GRID2: variants seen among roughly 807,000 people sequenced by gnomAD.
GRID2 encodes the protein glutamate receptor ionotropic, delta-2.
GRID2 carries 33 observed loss-of-function variants against 114.8 expected under a neutral mutation model. That is an observed-to-expected ratio of 0.29 (90% CI 0.22 to 0.38). GRID2 has a LOEUF of 0.38. Among genes scored for constraint, GRID2 ranks in the 10% least tolerant of loss-of-function variants. GRID2 has a pLI of 1.00. For synonymous variants in GRID2, 505 were observed against 449.9 expected (o/e 1.12, Z -1.55); for missense variants, 1,184 against 1,257.7 (o/e 0.94, Z 0.89).
At chr4:92,940,647 G>A (rs1313545740) in intron 2 of GRID2, among the ~76,000 whole-genome samples, 2 of 152,050 alleles carry the variant, frequency 1.3e-5, no homozygotes, top group Non-Finnish European at 2.9e-5. Flanking sequence ...TCTTGTGCCA[G>A]TTTTCAAAGG....
intron 8 of GRID2, among the ~76,000 whole-genome samples, chr4:93,320,394 T>A (rs1193977449): frequency 6.6e-6 from 1 of 152,132 alleles, no homozygotes; most frequent in Non-Finnish European, 1.5e-5. Flanking sequence ...TCTCAACACT[T>A]TGAGGAATTT....
intron 1 of GRID2, among the ~76,000 whole-genome samples, chr4:92,490,650 A>G (rs1165155901): frequency 6.6e-6 from 1 of 152,184 alleles, no homozygotes; most frequent in Non-Finnish European, 1.5e-5. Context: ...AACATGGGAA[A>G]AAATGAAATG....
intron 1 of GRID2, among the ~76,000 whole-genome samples, chr4:93,805,432 G>C (rs1395952413): frequency 6.6e-6 from 1 of 152,132 alleles, no homozygotes; most frequent in East Asian, 1.9e-4. Flanking sequence ...TGTCTTCCAA[G>C]GTCTTTAGAG....
intron 14 of GRID2, among the ~76,000 whole-genome samples, chr4:93,722,946 C>T (rs1729519734): frequency 6.6e-6 from 1 of 151,934 alleles, no homozygotes; most frequent in Non-Finnish European, 1.5e-5. Flanking sequence ...CATGTAACCA[C>T]CCCAGGTTAT....
At chr4:92,953,764 G>A (rs1752192606) in intron 2 of GRID2, among the ~76,000 whole-genome samples, 1 of 151,968 alleles carries the variant, frequency 6.6e-6, no homozygotes, top group African/African-American at 2.4e-5. Context: ...TGAACCAAAT[G>A]TCAATAGCGA....
At chr4:93,335,106 T>C (rs1163606083) in intron 8 of GRID2, among the ~76,000 whole-genome samples, 1 of 134,698 alleles carries the variant, frequency 7.4e-6, no homozygotes, top group East Asian at 1.9e-4. Flanking sequence ...AATATGTATA[T>C]AGTTGATGTC....
intron 2 of GRID2, among the ~76,000 whole-genome samples, chr4:93,014,061 T>A (rs1729560654): frequency 6.6e-6 from 1 of 152,064 alleles, no homozygotes; most frequent in East Asian, 1.9e-4. Flanking sequence ...TTGAGCACTT[T>A]GTGGAGAGAA....
intron 14 of GRID2, among the ~76,000 whole-genome samples, chr4:93,672,648 T>C (rs1457650099): frequency 3.3e-5 from 5 of 152,206 alleles, no homozygotes; most frequent in Non-Finnish European, 7.3e-5. Context: ...TGTTGTTGAA[T>C]ATTTTACCCT....
At chr4:92,803,201 C>G (rs1368908013) in intron 2 of GRID2, among the ~76,000 whole-genome samples, 1 of 151,776 alleles carries the variant, frequency 6.6e-6, no homozygotes, top group Non-Finnish European at 1.5e-5. Context: ...AATTGGTAGC[C>G]ATTAACCAAA....
At chr4:93,163,356 G>GTATATATATATA (rs57285537) in intron 4 of GRID2, among the ~76,000 whole-genome samples, 5 of 56,258 alleles carry the variant, frequency 8.9e-5, no homozygotes, top group Non-Finnish European at 9.7e-5. Flanking sequence ...TTTTTTTTGT[G>GTATATATATATA]TATATATATA....
intron 13 of GRID2, among the ~76,000 whole-genome samples, chr4:93,556,072 A>C (rs1734289284): frequency 1.3e-5 from 2 of 152,274 alleles, no homozygotes; most frequent in Admixed American, 6.5e-5. Flanking sequence ...ACATCAACAA[A>C]AAGGATGTCC....
At chr4:93,549,461 C>T (rs1290248690) in intron 13 of GRID2, among the ~76,000 whole-genome samples, 2 of 152,138 alleles carry the variant, frequency 1.3e-5, no homozygotes, top group African/African-American at 4.8e-5. Context: ...ATATTTCAAA[C>T]GCCTATCGAG....
intron 2 of GRID2, among the ~76,000 whole-genome samples, chr4:92,911,829 G>A (rs1255068518): frequency 6.6e-6 from 1 of 150,990 alleles, no homozygotes; most frequent in African/African-American, 2.4e-5. Context: ...GTGAATTTAG[G>A]ATAAAAACAT....
chr4:92,646,580 T>C (rs545312644), intron 2 of GRID2, among the ~76,000 whole-genome samples: 80 of 152,360 alleles, frequency 5.3e-4, no homozygotes, highest in African/African-American at 1.8e-3. Flanking sequence ...TTTAGATTTA[T>C]AACCCATCCG....
At chr4:93,579,937 T>A (rs1361046204) in intron 13 of GRID2, among the ~76,000 whole-genome samples, 1 of 151,978 alleles carries the variant, frequency 6.6e-6, no homozygotes, top group Non-Finnish European at 1.5e-5. Flanking sequence ...CATGCATCTG[T>A]CATTCGGATC....
chr4:93,652,160 A>G (rs1025916465), intron 14 of GRID2, among the ~76,000 whole-genome samples: 5 of 152,180 alleles, frequency 3.3e-5, no homozygotes, highest in Admixed American at 2.6e-4. Flanking sequence ...TCACTGGGGC[A>G]TGCCCTATCT....
At chr4:92,886,807 A>C (rs566044769) in intron 2 of GRID2, among the ~76,000 whole-genome samples, 2 of 151,930 alleles carry the variant, frequency 1.3e-5, no homozygotes, top group Non-Finnish European at 2.9e-5. Context: ...TTGTATTTTT[A>C]GTAGAGACGG....
chr4:93,098,136 A>T lies in GRID2; in HGVS notation c.530-12612A>T, dbSNP rs538818940. On this transcript the variant is annotated intron_variant, in intron 3 of 15. Coordinates refer to ENST00000282020, the MANE Select transcript of GRID2 (RefSeq NM_001510.4). ...TCTTGTTGCTGTAGAGAGATGTGAGATATTTACCTCTTTTTAAAATACAAA... is the reference window on the plus strand; with the variant it reads ...TCTTGTTGCTGTAGAGAGATGTGAGTTATTTACCTCTTTTTAAAATACAAA... Among the ~76,000 whole-genome samples the T allele has an allele frequency of 4.6e-5, 7 of 152,084 alleles. No individual in the cohort carries two copies. In the East Asian group the frequency reaches 1.4e-3, roughly 29 times the overall value.
At chr4:92,790,358 G>T (rs955426176) in intron 2 of GRID2, among the ~76,000 whole-genome samples, 2 of 151,298 alleles carry the variant, frequency 1.3e-5, no homozygotes, top group Non-Finnish European at 3.0e-5. Context: ...TCAATAAATG[G>T]CAACTAACAT....
Sources: allele counts gnomAD v4.1 joint callset (sites outside exome capture counted in the v4.1 genomes callset), GRCh38; gene constraint gnomAD v4.1.1; transcripts MANE v1.5; gene names NCBI Gene and HGNC (gene_info 2026-07-23, HGNC 2026-07-21).